Variants in NRXN1 observed in about 807,000 individuals in gnomAD.
NRXN1 encodes the protein neurexin 1.
NRXN1 carries 39 observed loss-of-function variants against 150.9 expected under a neutral mutation model. The observed-to-expected ratio is 0.26, with a 90% confidence interval of 0.20 to 0.34. NRXN1 has a LOEUF of 0.34. NRXN1 is among the 10% of genes least tolerant of loss of function. The probability of loss-of-function intolerance (pLI) is 1.00; values close to 1 mark genes in which losing one functional copy is unlikely to be tolerated. For missense variants in NRXN1, 1,815 were observed against 1,949.9 expected (o/e 0.93, Z 1.30); for synonymous variants, 924 against 757.0 (o/e 1.22, Z -3.62).
chr2:50,089,530 T>G (rs1452780), intron 19 of NRXN1, among the ~76,000 whole-genome samples: 42,512 of 152,116 alleles, frequency 0.28, 6,369 homozygotes, highest in Admixed American at 0.4. Flanking sequence ...CTCATGCCTG[T>G]AATCCCAGCA....
chr2:50,501,105 G>A (rs1024527408), intron 13 of NRXN1, among the ~76,000 whole-genome samples: 1 of 152,172 alleles, frequency 6.6e-6, no homozygotes, highest in African/African-American at 2.4e-5. Flanking sequence ...GAAGATGCCA[G>A]GTTTGATATT....
intron 5 of NRXN1, among the ~76,000 whole-genome samples, chr2:50,844,219 T>A (rs1673297269): frequency 6.6e-6 from 1 of 152,064 alleles, no homozygotes; most frequent in Non-Finnish European, 1.5e-5. Flanking sequence ...TTCCCCCAGT[T>A]CCTCACTAAT....
chr2:50,509,375 G>A (rs2092364973), intron 12 of NRXN1, among the ~76,000 whole-genome samples: 1 of 152,128 alleles, frequency 6.6e-6, no homozygotes, highest in South Asian at 2.1e-4. Flanking sequence ...AGTCCTGGTG[G>A]AAGCAAATCT....
intron 5 of NRXN1, among the ~76,000 whole-genome samples, chr2:50,855,080 A>T (rs1675079917): frequency 6.6e-6 from 1 of 151,976 alleles, no homozygotes; most frequent in Non-Finnish European, 1.5e-5. Flanking sequence ...TTAACTACCA[A>T]ATATTAATAG....
At chr2:50,491,192 T>G (rs1217489628) in intron 15 of NRXN1, among the ~76,000 whole-genome samples, 1 of 152,190 alleles carries the variant, frequency 6.6e-6, no homozygotes, top group Non-Finnish European at 1.5e-5. Context: ...ATTATGACTT[T>G]GAATAGAATC....
intron 15 of NRXN1, among the ~76,000 whole-genome samples, chr2:50,478,639 G>T (rs1573157434): frequency 6.6e-6 from 1 of 152,174 alleles, no homozygotes; most frequent in Admixed American, 6.5e-5. Context: ...TTTTGCTTCT[G>T]TAGGAAATAA....
chr2:50,386,962 G>C (rs573176177), intron 17 of NRXN1, among the ~76,000 whole-genome samples: 1 of 152,216 alleles, frequency 6.6e-6, no homozygotes, highest in African/African-American at 2.4e-5. Context: ...ATTTATAGTT[G>C]ACAGAACAAG....
intron 18 of NRXN1, among the ~76,000 whole-genome samples, chr2:50,199,712 C>T (rs2062027921): frequency 2.6e-5 from 4 of 152,076 alleles, no homozygotes; most frequent in Admixed American, 2.6e-4. Flanking sequence ...CATGCAATCA[C>T]ATTTTTATAA....
Position 50,037,136 on chromosome 2 carries a change from G to T in NRXN1, c.4128+16135C>A, listed in dbSNP as rs1474958403. Among the ~76,000 whole-genome samples, 4 of 152,150 alleles carry T rather than the reference G, an allele frequency of 2.6e-5. No homozygotes were observed. In the East Asian group the frequency reaches 7.7e-4, roughly 29 times the overall value. ...GCTTAAACAGAATATCTTTATTTTG[G>T]TTAACTTTAAATTAATAGATGAAAT... On this transcript the variant is annotated intron_variant, in intron 21 of 22. Coordinates refer to ENST00000401669, the MANE Select transcript of NRXN1 (RefSeq NM_001330078.2).
chr2:50,849,320 T>C (rs540117565), intron 5 of NRXN1, among the ~76,000 whole-genome samples: 7 of 152,188 alleles, frequency 4.6e-5, no homozygotes, highest in Admixed American at 6.5e-5. Flanking sequence ...CTTTCTGTGT[T>C]CCCTTAACAC....
At chr2:50,128,067 G>T (rs1330973702) in intron 18 of NRXN1, among the ~76,000 whole-genome samples, 6 of 152,142 alleles carry the variant, frequency 3.9e-5, no homozygotes. Flanking sequence ...ACAGCTGAAA[G>T]ATTGGTTACT....
chr2:50,581,181 T>C (rs1351910321), intron 8 of NRXN1, among the ~76,000 whole-genome samples: 1 of 152,168 alleles, frequency 6.6e-6, no homozygotes, highest in Non-Finnish European at 1.5e-5. Context: ...TCTGCTGTAT[T>C]TCTTGAATTC....
intron 18 of NRXN1, among the ~76,000 whole-genome samples, chr2:50,161,187 C>T (rs1318275243): frequency 2.0e-5 from 3 of 152,164 alleles, no homozygotes; most frequent in African/African-American, 7.2e-5. Context: ...CAACACCCAT[C>T]TGCATAATGC....
intron 8 of NRXN1, among the ~76,000 whole-genome samples, chr2:50,593,858 A>G (rs1170941189): frequency 6.6e-6 from 1 of 152,228 alleles, no homozygotes; most frequent in Non-Finnish European, 1.5e-5. Flanking sequence ...AACTATCACC[A>G]TATGCTTACA....
intron 17 of NRXN1, among the ~76,000 whole-genome samples, chr2:50,266,917 T>C (rs1439352966): frequency 6.6e-6 from 1 of 152,192 alleles, no homozygotes; most frequent in Non-Finnish European, 1.5e-5. Context: ...TCTTCTTTAT[T>C]ATAGAAAATG....
At chr2:50,647,023 ATT>A (rs34502206) in intron 5 of NRXN1, among the ~76,000 whole-genome samples, 6 of 146,662 alleles carry the variant, frequency 4.1e-5, no homozygotes, top group African/African-American at 1.2e-4. Flanking sequence ...TGAGAGGGCA[ATT>A]TTTTTTTTTT....
intron 18 of NRXN1, among the ~76,000 whole-genome samples, chr2:50,105,916 A>T (rs1701579791): frequency 6.6e-6 from 1 of 151,904 alleles, no homozygotes; most frequent in African/African-American, 2.4e-5. Context: ...TATCATAATA[A>T]TAAAAATAAT....
At chr2:50,628,705 T>C (rs1388343345) in intron 5 of NRXN1, among the ~76,000 whole-genome samples, 2 of 151,644 alleles carry the variant, frequency 1.3e-5, no homozygotes, top group Non-Finnish European at 3.0e-5. Flanking sequence ...AACTTTTGCA[T>C]TTCTACTATG....
In NRXN1 at chr2:49,984,006, T is replaced by TA. The variant is rs970528562; in HGVS notation, c.4129-40216dup. On this transcript the variant is annotated intron_variant, in intron 21 of 22. Transcript: ENST00000401669. The stretch of plus-strand genomic sequence containing the variant: ...AGTGAGATCTCATTTCTACTAAAAT[T>TA]AAAAAAAAAATTAGCTGGGTGTGGT... Among the ~76,000 whole-genome samples the TA allele has an allele frequency of 5.5e-4, 62 of 111,730 alleles. 1 individual carries two copies. The highest frequency in any genetic ancestry group is 5.4e-3 in the Middle Eastern group (1 of 186). The allele number at this position is 111,730 out of a possible 152,430, so 73.3% of individuals were successfully genotyped here.
Sources: allele counts gnomAD v4.1 joint callset (sites outside exome capture counted in the v4.1 genomes callset), GRCh38; gene constraint gnomAD v4.1.1; transcripts MANE v1.5; gene names NCBI Gene and HGNC (gene_info 2026-07-23, HGNC 2026-07-21).